ING5: variants seen among roughly 807,000 people sequenced by gnomAD.
ING5 encodes the protein inhibitor of growth protein 5.
ING5 carries 17 observed loss-of-function variants against 37.4 expected under a neutral mutation model. That is an observed-to-expected ratio of 0.45 (90% CI 0.31 to 0.68). The LOEUF is 0.68. ING5 is among the 30% of genes least tolerant of loss of function. ING5 has a pLI of 0.05. For missense variants in ING5, 233 were observed against 311.9 expected (o/e 0.75, Z 1.91); for synonymous variants, 123 against 116.6 (o/e 1.06, Z -0.36).
chr2:241,723,751 C>T (rs764023374), intron 7 of ING5: 1 of 1,597,908 alleles, frequency 6.3e-7, no homozygotes, highest in South Asian at 1.1e-5. Context: ...ACCCTTGCAT[C>T]CCCTTGGCAA....
At position 241,706,220 on chromosome 2, in the gene ING5, C is replaced by T. The variant is rs142969670; in HGVS notation, c.109+1496C>T. On this transcript the variant is annotated intron_variant, in intron 2 of 7. Transcript: ENST00000313552. Reference sequence around the variant, plus strand: ...GTTTTCCTGGGATCTCCTTTCACCCCTCTTCAGTGTGGGACCCTCTTCCCT... The same window carrying T: ...GTTTTCCTGGGATCTCCTTTCACCCTTCTTCAGTGTGGGACCCTCTTCCCT... Among the ~76,000 whole-genome samples, 1,377 of 152,262 alleles carry T rather than the reference C, an allele frequency of 9.0e-3. 21 individuals carry two copies. The highest frequency in any genetic ancestry group is 0.031 in the African/African-American group (1,300 of 41,554).
chr2:241,693,127 C>T (rs916228143), intron 2 of ING5, among the ~76,000 whole-genome samples: 5 of 151,672 alleles, frequency 3.3e-5, no homozygotes, highest in African/African-American at 7.3e-5. Context: ...GGTGTGGTGA[C>T]GGGCGCCTGT....
intron 1 of ING5, among the ~76,000 whole-genome samples, chr2:241,703,432 C>T (rs561085864): frequency 1.3e-5 from 2 of 152,204 alleles, no homozygotes; most frequent in South Asian, 4.1e-4. Context: ...GGTAACAAAG[C>T]AGACGCGAAA....
Position 241,726,979 on chromosome 2 carries a change from T to C in ING5, c.*1948T>C, listed in dbSNP as rs567329538. The C allele has an allele frequency of 2.6e-5, 4 of 152,290 alleles. No homozygotes were observed. The highest frequency in any genetic ancestry group is 2.1e-4 in the South Asian group (1 of 4,824). The allele number at this position is 152,290 out of a possible 1,614,324, so 9.4% of individuals were successfully genotyped here. On this transcript the variant is annotated 3_prime_UTR_variant, in exon 8 of 8. Transcript: ENST00000313552. ...CCTGGCTAATTTTTTATATTTTTAG[T>C]AGAGACAGGGTTTCACCATGTTAAC...
exon 1 of ING5, chr2:241,687,908 A>G (rs1221885683): frequency 6.6e-6 from 1 of 151,930 alleles, no homozygotes; most frequent in Non-Finnish European, 1.5e-5. Context: ...CATGCCTCCA[A>G]CTCCTCTGAA....
chr2:241,704,751 A>G (rs1575122522), intron 2 of ING5, 27 bp downstream of exon 2: 3 of 1,592,316 alleles, frequency 1.9e-6, no homozygotes, highest in Middle Eastern at 1.7e-4. Context: ...CCATACAACC[A>G]GAACTGAGTT....
At chr2:241,720,475 G>C (rs1354680791) in intron 5 of ING5, 1 of 1,015,378 alleles carries the variant, frequency 9.8e-7, no homozygotes, top group Non-Finnish European at 1.2e-6. Context: ...TCTCGTCTGA[G>C]ATCCCGTGAC....
chr2:241,720,915 C>T (rs368941023), intron 5 of ING5: 25 of 985,522 alleles, frequency 2.5e-5, no homozygotes, highest in African/African-American at 2.1e-4. Context: ...GAGGCCTGCA[C>T]GGTGGCCTCA....
chr2:241,693,104 C>G (rs1220213998), intron 2 of ING5, among the ~76,000 whole-genome samples: 1 of 151,884 alleles, frequency 6.6e-6, no homozygotes, highest in Non-Finnish European at 1.5e-5. Context: ...ACTAAATATA[C>G]ACAAATTAGC....
At chr2:241,716,562 TA>T (rs2070278223) in intron 5 of ING5, among the ~76,000 whole-genome samples, 4 of 152,134 alleles carry the variant, frequency 2.6e-5, no homozygotes, top group South Asian at 4.1e-4. Flanking sequence ...CCCAAAGTGC[TA>T]GGATTACAGG....
chr2:241,701,539 C>T (rs1049158552), upstream of ING5, among the ~76,000 whole-genome samples: 1 of 151,792 alleles, frequency 6.6e-6, no homozygotes, highest in Non-Finnish European at 1.5e-5. Context: ...TGCCGGCCCT[C>T]GGCTCAGGCC....
rs1691731778 is a variant in ING5 at position 241,729,213 on chromosome 2, G to C, written c.*4182G>C. 6.5e-6 allele frequency: 1 copy of C among 152,676 alleles called. No homozygotes were observed. Among genetic ancestry groups the C allele is most frequent in the South Asian group, 2.1e-4 (1 of 4,836 alleles). 9.5% of individuals were successfully genotyped at this position (152,676 alleles called of 1,614,324 possible). A position where few individuals can be genotyped will look rare whatever the true frequency, so the allele number is the denominator to read the frequency against. ...TGTAAGAAAATGTTCCCATTCAGGA[G>C]AGATTGTGTTGGAGTTTCTTTCTTC... On this transcript the variant is annotated 3_prime_UTR_variant, in exon 8 of 8. Coordinates refer to ENST00000313552, the MANE Select transcript of ING5 (RefSeq NM_032329.6).
chr2:241,724,169 G>A (rs1174459763), intron 7 of ING5: 10 of 656,582 alleles, frequency 1.5e-5, no homozygotes, highest in Non-Finnish European at 1.6e-5. Context: ...AGACTCGCCC[G>A]AGTTGGTAAG....
At chr2:241,687,368 G>T (rs1301890010) in exon 1 of ING5, 1 of 398,786 alleles carries the variant, frequency 2.5e-6, no homozygotes, top group East Asian at 3.6e-5. Flanking sequence ...CAGCACGACT[G>T]CGTTCTGGAA....
intron 2 of ING5, among the ~76,000 whole-genome samples, chr2:241,693,043 G>A (rs1262405129): frequency 2.0e-5 from 3 of 152,050 alleles, no homozygotes; most frequent in East Asian, 3.9e-4. Context: ...GGCAGATCAC[G>A]AGATCAGGAG....
intron 3 of ING5, among the ~76,000 whole-genome samples, chr2:241,709,714 C>A (rs943632219): frequency 6.6e-6 from 1 of 151,974 alleles, no homozygotes; most frequent in East Asian, 1.9e-4. Context: ...TCAAGTGATT[C>A]TTGTGCCTTA....
At chr2:241,703,844 G>A (rs1013178298) in intron 1 of ING5, among the ~76,000 whole-genome samples, 6 of 152,172 alleles carry the variant, frequency 3.9e-5, no homozygotes, top group African/African-American at 1.4e-4. Flanking sequence ...GACCTCAACT[G>A]ATTTGCCTGT....
rs367998614 is a variant in ING5 at position 241,723,395 on chromosome 2, A to T, written c.680+124A>T. 7 of 1,044,652 alleles carry T rather than the reference A, an allele frequency of 6.7e-6. No homozygotes were observed. The African/African-American group carries it at 1.1e-4, about 16-fold the overall frequency. 64.7% of individuals were successfully genotyped at this position (1,044,652 alleles called of 1,614,324 possible). A position where few individuals can be genotyped will look rare whatever the true frequency, so the allele number is the denominator to read the frequency against. On this transcript the variant is annotated intron_variant, in intron 7 of 7. Transcript: ENST00000313552. ...GCTTAGCGGGACACGGTAGCCACGT[A>T]GGCATGCCCCACTGTGGCCTCAAGG...
chr2:241,724,987 A>G lies in ING5; in HGVS notation c.681-2A>G. 1 of 1,614,064 alleles carries G rather than the reference A, an allele frequency of 6.2e-7. No individual in the cohort carries two copies. Among genetic ancestry groups the G allele is most frequent in the Non-Finnish European group, 8.5e-7 (1 of 1,179,924 alleles). ...GGCCTCACTGCGCCTTTCTTGTCACAGGTTCTGTCCACGGTGTGTCCAGGA... is the reference window on the plus strand; with the variant it reads ...GGCCTCACTGCGCCTTTCTTGTCACGGGTTCTGTCCACGGTGTGTCCAGGA... On this transcript the variant is annotated splice_acceptor_variant, in intron 7 of 7. Transcript: ENST00000313552. LOFTEE classifies it high-confidence loss of function.
Sources: gnomAD v4.1 joint callset for allele counts (sites outside exome capture counted in the v4.1 genomes callset) on GRCh38, gnomAD v4.1.1 for gene constraint, MANE v1.5 for transcripts, NCBI Gene and HGNC (gene_info 2026-07-23, HGNC 2026-07-21) for gene names.